RANBP17: variants seen among roughly 807,000 people sequenced by gnomAD.
RANBP17 encodes ran-binding protein 17.
A neutral mutation model predicts 141.2 loss-of-function variants in RANBP17; 158 were observed. That is an observed-to-expected ratio of 1.12 (90% confidence interval 0.98 to 1.28). The LOEUF (loss-of-function observed/expected upper bound fraction) is 1.28, where lower values mean the gene tolerates loss of function less well. Among genes scored for constraint, RANBP17 ranks in the 50% most tolerant of loss-of-function variants. RANBP17 has a pLI of 0.00. For synonymous variants in RANBP17, 430 were observed against 450.0 expected, an observed-to-expected ratio of 0.96 and a Z score of 0.56; for missense variants, 1,438 against 1,290.7, an observed-to-expected ratio of 1.11 and a Z score of -1.75.
chr5:171,109,311 T>C (rs571331269), intron 14 of RANBP17, among the ~76,000 whole-genome samples: 57 of 152,356 alleles, frequency 3.7e-4, no homozygotes, highest in African/African-American at 1.2e-3. Context: ...GCTGTTTGTT[T>C]TTAAGCTATA....
intron 14 of RANBP17, among the ~76,000 whole-genome samples, chr5:170,989,627 G>A (rs534620486): frequency 5.3e-5 from 8 of 151,788 alleles, no homozygotes; most frequent in African/African-American, 7.2e-5. Context: ...AGGCAAATTA[G>A]TATTTGGAGA....
At chr5:171,171,010 A>G (rs1760061617) in intron 15 of RANBP17, among the ~76,000 whole-genome samples, 196 bp from the exon 16 acceptor site, 1 of 152,136 alleles carries the variant, frequency 6.6e-6, no homozygotes, top group Non-Finnish European at 1.5e-5. Flanking sequence ...CCATTTGGAG[A>G]GCAATATTCA....
Position 171,183,045 on chromosome 5 carries a change from T to C in RANBP17, c.1866-122T>C, listed in dbSNP as rs550555151. ...AGGAAAGACGTTTCTATAGGAATGC[T>C]CTTTAGAAATTATATTTTTTTATAA... On this transcript the variant is annotated intron_variant, in intron 16 of 27. Transcript: ENST00000523189. 16 of 598,068 alleles carry C rather than the reference T, an allele frequency of 2.7e-5. No individual in the cohort carries two copies. The South Asian group carries it at 3.0e-4, about 11-fold the overall frequency. 37.0% of individuals were successfully genotyped at this position (598,068 alleles called of 1,614,324 possible).
chr5:171,164,420 A>G (rs1759539256), intron 14 of RANBP17, among the ~76,000 whole-genome samples: 1 of 152,170 alleles, frequency 6.6e-6, no homozygotes, highest in Non-Finnish European at 1.5e-5. Flanking sequence ...TTATGTCCGC[A>G]TCTGTTTTTC....
chr5:170,899,543 T>C (rs1450250233), intron 5 of RANBP17, among the ~76,000 whole-genome samples: 1 of 152,218 alleles, frequency 6.6e-6, no homozygotes. Flanking sequence ...TGGCCAGAAC[T>C]TCCAATACTA....
Position 171,246,542 on chromosome 5 carries a change from TAGC to T in RANBP17, c.2776+3725_2776+3727del, listed in dbSNP as rs551680566. Among the ~76,000 whole-genome samples the T allele has an allele frequency of 1.7e-4, 26 of 152,352 alleles. No homozygotes were observed. The East Asian group carries it at 5.0e-3, about 29-fold the overall frequency. On this transcript the variant is annotated intron_variant, in intron 24 of 27. Transcript: ENST00000523189. Reference sequence around the variant, plus strand: ...TGTTTGGCAGGAGGGCAAATTCTCATAGCAGTTAATTCTTCATGGAATAAGAAG... The same window carrying T: ...TGTTTGGCAGGAGGGCAAATTCTCATAGTTAATTCTTCATGGAATAAGAAG...
At chr5:171,225,581 ATC>A (rs1324261066) in intron 22 of RANBP17, among the ~76,000 whole-genome samples, 1 of 152,184 alleles carries the variant, frequency 6.6e-6, no homozygotes, top group African/African-American at 2.4e-5. Context: ...AGCACTGTTT[ATC>A]TCTTTGGTAA....
intron 16 of RANBP17, among the ~76,000 whole-genome samples, chr5:171,179,034 C>T (rs1760708656): frequency 6.6e-6 from 1 of 152,110 alleles, no homozygotes; most frequent in Non-Finnish European, 1.5e-5. Context: ...TAGTTAGATC[C>T]CATTTGTCAA....
At chr5:170,925,726 C>G (rs1239760241) in intron 12 of RANBP17, among the ~76,000 whole-genome samples, 1 of 152,232 alleles carries the variant, frequency 6.6e-6, no homozygotes, top group East Asian at 1.9e-4. Flanking sequence ...ATTATTACCA[C>G]ATGTGTATGC....
chr5:171,039,423 AGAT>A (rs1782109693), intron 14 of RANBP17, among the ~76,000 whole-genome samples: 2 of 151,060 alleles, frequency 1.3e-5, no homozygotes, highest in South Asian at 4.2e-4. Context: ...TTTTTTAATG[AGAT>A]GTATTTGTTT....
intron 1 of RANBP17, among the ~76,000 whole-genome samples, chr5:170,875,870 T>C (rs963316078): frequency 6.6e-6 from 1 of 152,232 alleles, no homozygotes; most frequent in African/African-American, 2.4e-5. Flanking sequence ...TTCTTTCTCA[T>C]CTTCATGAGT....
At chr5:171,117,053 C>A (rs181249721) in intron 14 of RANBP17, among the ~76,000 whole-genome samples, 1 of 152,256 alleles carries the variant, frequency 6.6e-6, no homozygotes, top group African/African-American at 2.4e-5. Context: ...TTTTCTTTAT[C>A]CATTTATCCA....
chr5:171,000,633 CTGTT>C (rs1176812979), intron 14 of RANBP17, among the ~76,000 whole-genome samples: 1 of 152,180 alleles, frequency 6.6e-6, no homozygotes, highest in African/African-American at 2.4e-5. Flanking sequence ...AGCAACAAGT[CTGTT>C]TATTTCATCT....
intron 14 of RANBP17, among the ~76,000 whole-genome samples, chr5:171,094,621 T>G (rs1015465648): frequency 2.0e-5 from 3 of 152,206 alleles, no homozygotes; most frequent in East Asian, 3.8e-4. Context: ...TCTTAACTTT[T>G]TACTATTCCC....
intron 2 of RANBP17, among the ~76,000 whole-genome samples, chr5:170,879,759 A>G (rs1449943613): frequency 2.0e-5 from 3 of 152,124 alleles, no homozygotes; most frequent in Non-Finnish European, 4.4e-5. Flanking sequence ...AAATAGCAGT[A>G]AAAACTTATC....
At chr5:170,963,783 C>T (rs1380980448) in intron 13 of RANBP17, among the ~76,000 whole-genome samples, 3 of 152,194 alleles carry the variant, frequency 2.0e-5, no homozygotes, top group African/African-American at 4.8e-5. Flanking sequence ...AGACTAGTAC[C>T]GGTCTGCAGC....
chr5:170,996,702 G>A (rs1778840076), intron 14 of RANBP17, among the ~76,000 whole-genome samples: 1 of 152,076 alleles, frequency 6.6e-6, no homozygotes, highest in South Asian at 2.1e-4. Context: ...ATGTATCTTA[G>A]GTTACATTGT....
rs375542541 is a variant in RANBP17, at chr5:171,265,850, A to G, written c.2943+3A>G. On this transcript the variant is annotated splice_donor_region_variant and intron_variant, in intron 25 of 27. Coordinates refer to ENST00000523189, the MANE Select transcript of RANBP17 (RefSeq NM_022897.5). The stretch of plus-strand genomic sequence containing the variant: ...AAAACCCAGATGTCCTGCAGCAGGT[A>G]ACTGGTGGTTGATCACCTGGCTTAA... 5 of 1,611,232 alleles carry G rather than the reference A, an allele frequency of 3.1e-6. No homozygotes were observed. The highest frequency in any genetic ancestry group is 4.2e-6 in the Non-Finnish European group (5 of 1,178,804).
intron 14 of RANBP17, among the ~76,000 whole-genome samples, chr5:171,155,134 C>T (rs1205170281): frequency 7.1e-6 from 1 of 141,014 alleles, no homozygotes; most frequent in Non-Finnish European, 1.5e-5. Flanking sequence ...CACACACACA[C>T]ACACACATAT....
Sources: gnomAD v4.1 joint callset for allele counts (sites outside exome capture counted in the v4.1 genomes callset) on GRCh38, gnomAD v4.1.1 for gene constraint, MANE v1.5 for transcripts, NCBI Gene and HGNC (gene_info 2026-07-23, HGNC 2026-07-21) for gene names.